The following PLGRKT variants were observed in gnomAD, a reference collection of about 807,000 sequenced individuals.
PLGRKT encodes the protein plasminogen receptor (KT).
In PLGRKT, 22 loss-of-function variants were observed where a neutral mutation model predicts 18.5. That is an observed-to-expected ratio of 1.19 (90% CI 0.85 to 1.70). The LOEUF is 1.70. PLGRKT is among the 40% of genes most tolerant of loss of function. The probability of loss-of-function intolerance (pLI) is 0.00; values close to 1 mark genes in which losing one functional copy is unlikely to be tolerated. For synonymous variants in PLGRKT, 72 were observed against 52.8 expected (o/e 1.36, Z -1.58); for missense variants, 235 against 174.4 (o/e 1.35, Z -1.96).
At chr9:5,432,977 T>TGC (rs1563793506) in intron 2 of PLGRKT, among the ~76,000 whole-genome samples, 2 of 139,720 alleles carry the variant, frequency 1.4e-5, no homozygotes, top group East Asian at 2.3e-4. Context: ...GTGAGGAGCA[T>TGC]CTCTGCCCGG....
In PLGRKT at chr9:5,418,924, A is replaced by G. The variant is rs1412007866; in HGVS notation, c.81+12973T>C. The G allele has an allele frequency of 1.2e-6, 1 of 815,694 alleles. No homozygotes were observed. Among genetic ancestry groups the G allele is most frequent in the South Asian group, 1.5e-5 (1 of 68,764 alleles). 50.5% of individuals were successfully genotyped at this position (815,694 alleles called of 1,614,324 possible). ...CAACTTGGCCTTCACTAGGGGCTGC[A>G]GTAATTAAAACAGATCTGACATTCT... On this transcript the variant is annotated intron_variant, in intron 3 of 5. Transcript: ENST00000223864. This position sits in a 1 kb window ranked among gnomAD's most constrained non-coding sequence, Gnocchi z 4.2.
At chr9:5,376,712 T>A (rs1432675096) in intron 3 of PLGRKT, among the ~76,000 whole-genome samples, 2 of 152,198 alleles carry the variant, frequency 1.3e-5, no homozygotes, top group African/African-American at 2.4e-5. Context: ...TATTGTTAAA[T>A]GGAAAAAGCA....
chr9:5,400,554 A>T (rs933299258), intron 3 of PLGRKT, among the ~76,000 whole-genome samples: 6 of 151,928 alleles, frequency 3.9e-5, no homozygotes, highest in Non-Finnish European at 5.9e-5. Flanking sequence ...TACCAAACAG[A>T]TTCAAAGATA....
At chr9:5,360,752 T>C (rs573453022) in intron 5 of PLGRKT, among the ~76,000 whole-genome samples, 13 of 152,360 alleles carry the variant, frequency 8.5e-5, no homozygotes, top group South Asian at 2.1e-4. Flanking sequence ...ATGAGTTCTG[T>C]TTATTACCTT....
At chr9:5,406,599 G>C (rs1818262049) in intron 3 of PLGRKT, among the ~76,000 whole-genome samples, 1 of 149,202 alleles carries the variant, frequency 6.7e-6, no homozygotes, top group African/African-American at 2.5e-5. Context: ...ATTCACTGGG[G>C]CCTGTTGGGG....
intron 3 of PLGRKT, among the ~76,000 whole-genome samples, chr9:5,390,053 T>C (rs1370094991): frequency 6.6e-6 from 1 of 151,664 alleles, no homozygotes; most frequent in Non-Finnish European, 1.5e-5. Flanking sequence ...TGAGGAAATC[T>C]AGTGGAGTCA....
At chr9:5,381,439 G>C (rs72703673) in intron 3 of PLGRKT, among the ~76,000 whole-genome samples, 7,831 of 152,306 alleles carry the variant, frequency 0.051, 292 homozygotes, top group Non-Finnish European at 0.073. Context: ...CCCAAACCTT[G>C]ACAGCTTCCA....
At chr9:5,361,275 T>G in intron 4 of PLGRKT, 88 bp from the exon 5 acceptor site, 1 of 698,362 alleles carries the variant, frequency 1.4e-6, no homozygotes, top group South Asian at 1.8e-5. Flanking sequence ...AATACCTGCT[T>G]TTTGGAAGAA....
intron 3 of PLGRKT, among the ~76,000 whole-genome samples, chr9:5,388,331 G>A (rs1355910220): frequency 6.6e-6 from 1 of 151,908 alleles, no homozygotes; most frequent in Non-Finnish European, 1.5e-5. Context: ...GTCAAAAGTT[G>A]CTGAGAAATT....
intron 3 of PLGRKT, among the ~76,000 whole-genome samples, chr9:5,411,372 A>G (rs1818361304): frequency 6.7e-6 from 1 of 149,680 alleles, no homozygotes; most frequent in African/African-American, 2.5e-5. Context: ...GAGACAGAGC[A>G]AGACCCTGTT....
At chr9:5,382,383 C>T (rs1352959432) in intron 3 of PLGRKT, among the ~76,000 whole-genome samples, 4 of 152,072 alleles carry the variant, frequency 2.6e-5, no homozygotes, top group Non-Finnish European at 5.9e-5. Flanking sequence ...GAGGAAATGA[C>T]GTTGAAGCTG....
Position 5,402,771 on chromosome 9 carries a change from G to C in PLGRKT, c.81+29126C>G, listed in dbSNP as rs1348486300. 2.0e-5 allele frequency among the ~76,000 whole-genome samples: 3 copies of C among 151,954 alleles called. No homozygotes were observed. The East Asian group carries it at 5.8e-4, about 29-fold the overall frequency. ...ATTTTTAGAGTTCTTGTTTAAATCA[G>C]TTTCAAAATTTTTATAAAGTGTAAA... On this transcript the variant is annotated intron_variant, in intron 3 of 5. Coordinates refer to ENST00000223864, the MANE Select transcript of PLGRKT (RefSeq NM_018465.4).
intron 3 of PLGRKT, among the ~76,000 whole-genome samples, chr9:5,384,178 G>T (rs1300318197): frequency 6.6e-6 from 1 of 152,224 alleles, no homozygotes; most frequent in Non-Finnish European, 1.5e-5. Flanking sequence ...AAAAGCCATT[G>T]TTGGGGGAGA....
At chr9:5,365,366 T>C (rs951191946) in intron 3 of PLGRKT, among the ~76,000 whole-genome samples, 2 of 152,132 alleles carry the variant, frequency 1.3e-5, no homozygotes, top group Non-Finnish European at 2.9e-5. Context: ...TAACCTAAAG[T>C]ACAAAATAAA....
chr9:5,386,409 A>C (rs1168635016), intron 3 of PLGRKT, among the ~76,000 whole-genome samples: 1 of 151,794 alleles, frequency 6.6e-6, no homozygotes, highest in Admixed American at 6.6e-5. Context: ...GACACTTATG[A>C]TTGTCACAAT....
chr9:5,418,973 C>A lies in PLGRKT; in HGVS notation c.81+12924G>T. On this transcript the variant is annotated intron_variant, in intron 3 of 5. Transcript: ENST00000223864. This position sits in a 1 kb window ranked among gnomAD's most constrained non-coding sequence, Gnocchi z 4.2. ...CTAGCAGAGTCCTGGGACAGCGTCT[C>A]CATGGTGGACCCTGAGCAGGAAGGG... 3.0e-6 allele frequency: 2 copies of A among 676,132 alleles called. No homozygotes were observed. The highest frequency in any genetic ancestry group is 4.9e-6 in the Non-Finnish European group (2 of 407,974). 41.9% of individuals were successfully genotyped at this position (676,132 alleles called of 1,614,324 possible). A position where few individuals can be genotyped will look rare whatever the true frequency, so the allele number is the denominator to read the frequency against.
At chr9:5,434,181 C>T (rs572682610) in intron 2 of PLGRKT, among the ~76,000 whole-genome samples, 11 of 145,714 alleles carry the variant, frequency 7.5e-5, no homozygotes, top group East Asian at 2.1e-4. Context: ...TCTGCCCGGC[C>T]GCCACCCCGT....
chr9:5,415,912 G>A (rs1818449879), intron 3 of PLGRKT, among the ~76,000 whole-genome samples: 1 of 146,934 alleles, frequency 6.8e-6, no homozygotes, highest in Non-Finnish European at 1.5e-5. Context: ...TTTGATCCTG[G>A]AACAGAAAAG....
rs76705191 is a variant in PLGRKT, at chr9:5,420,243, G to A, written c.81+11654C>T. Among the ~76,000 whole-genome samples the A allele has an allele frequency of 8.1e-4, 124 of 152,334 alleles. 1 individual carries two copies. The highest frequency in any genetic ancestry group is 2.7e-3 in the African/African-American group (113 of 41,564). On this transcript the variant is annotated intron_variant, in intron 3 of 5. Coordinates refer to ENST00000223864, the MANE Select transcript of PLGRKT (RefSeq NM_018465.4). ...TTAGTGGTTGCAAAGGGCTGAGGAA[G>A]GAGAGGAGGAGTTGGAAGTGACTGG...
Sources: allele counts gnomAD v4.1 joint callset (sites outside exome capture counted in the v4.1 genomes callset), GRCh38; gene constraint gnomAD v4.1.1; non-coding constraint Gnocchi (gnomAD v3.1); transcripts MANE v1.5; gene names NCBI Gene and HGNC (gene_info 2026-07-23, HGNC 2026-07-21).